The following FUT9 variants were observed in gnomAD, a reference collection of about 807,000 sequenced individuals.
The protein encoded by FUT9 is 4-galactosyl-N-acetylglucosaminide 3-alpha-L-fucosyltransferase 9.
FUT9 carries 15 observed loss-of-function variants against 29.7 expected under a neutral mutation model. That is an observed-to-expected ratio of 0.51 (90% CI 0.34 to 0.78). The LOEUF is 0.78. Ranked by LOEUF, FUT9 falls within the 30% of genes least tolerant of loss-of-function variation. The pLI, the probability that FUT9 is intolerant of heterozygous loss-of-function variation, is 0.01. For synonymous variants in FUT9, 169 were observed against 153.7 expected, an observed-to-expected ratio of 1.10 and a Z score of -0.74; for missense variants, 319 against 425.4, an observed-to-expected ratio of 0.75 and a Z score of 2.20.
At chr6:96,156,462 C>T (rs1270637947) in intron 2 of FUT9, among the ~76,000 whole-genome samples, 1 of 152,036 alleles carries the variant, frequency 6.6e-6, no homozygotes, top group Non-Finnish European at 1.5e-5. Flanking sequence ...CAAAAAGGGG[C>T]ATCCTGAAAG....
chr6:96,049,349 A>G (rs927485358), intron 1 of FUT9, among the ~76,000 whole-genome samples: 2 of 152,186 alleles, frequency 1.3e-5, no homozygotes, highest in African/African-American at 4.8e-5. Flanking sequence ...AAATGCCAAA[A>G]CACATGCTGC....
At chr6:96,155,845 A>C (rs1772775043) in intron 2 of FUT9, among the ~76,000 whole-genome samples, 1 of 152,112 alleles carries the variant, frequency 6.6e-6, no homozygotes, top group Non-Finnish European at 1.5e-5. Flanking sequence ...TTGATCTTGG[A>C]CTTCCAGCCT....
At chr6:96,153,339 T>C (rs995985707) in intron 2 of FUT9, among the ~76,000 whole-genome samples, 3 of 152,136 alleles carry the variant, frequency 2.0e-5, no homozygotes, top group Non-Finnish European at 4.4e-5. Flanking sequence ...TTTTTCCCTA[T>C]CCTCTTGTCC....
At chr6:96,158,434 C>T (rs1772831656) in intron 2 of FUT9, among the ~76,000 whole-genome samples, 1 of 152,000 alleles carries the variant, frequency 6.6e-6, no homozygotes, top group African/African-American at 2.4e-5. Flanking sequence ...TTTATTAAGA[C>T]AAGTTATTCT....
intron 2 of FUT9, among the ~76,000 whole-genome samples, chr6:96,181,560 C>A (rs530312532): frequency 7.3e-6 from 1 of 137,766 alleles, no homozygotes; most frequent in Non-Finnish European, 1.6e-5. Context: ...TACACTGCAC[C>A]CTATTTGTAG....
intron 2 of FUT9, among the ~76,000 whole-genome samples, chr6:96,118,930 T>C (rs1309779729): frequency 6.6e-6 from 1 of 152,160 alleles, no homozygotes; most frequent in Non-Finnish European, 1.5e-5. Flanking sequence ...GAATAAGGAT[T>C]AAAGAAAGAA....
chr6:96,199,545 G>A (rs1292540592), intron 2 of FUT9, among the ~76,000 whole-genome samples: 2 of 152,052 alleles, frequency 1.3e-5, no homozygotes, highest in African/African-American at 4.8e-5. Flanking sequence ...TCCTCGTTTG[G>A]CTAATGAGAG....
At chr6:96,190,780 A>G (rs1245165019) in intron 2 of FUT9, among the ~76,000 whole-genome samples, 1 of 152,064 alleles carries the variant, frequency 6.6e-6, no homozygotes, top group Non-Finnish European at 1.5e-5. Context: ...GGACTTCTCT[A>G]CACTGGTTAT....
At chr6:96,030,692 T>C (rs1432493358) in intron 1 of FUT9, among the ~76,000 whole-genome samples, 4 of 151,510 alleles carry the variant, frequency 2.6e-5, no homozygotes, top group African/African-American at 7.3e-5. Flanking sequence ...TAAGTGTGAA[T>C]GAATACCCAT....
intron 1 of FUT9, among the ~76,000 whole-genome samples, chr6:96,058,029 A>G (rs1051538490): frequency 1.3e-5 from 2 of 152,032 alleles, no homozygotes; most frequent in Non-Finnish European, 1.5e-5. Flanking sequence ...TCTCATCTGG[A>G]CTGCTGCTTG....
At chr6:96,160,077 A>T (rs1193108517) in intron 2 of FUT9, among the ~76,000 whole-genome samples, 1 of 152,194 alleles carries the variant, frequency 6.6e-6, no homozygotes, top group Non-Finnish European at 1.5e-5. Flanking sequence ...TTAAGATAAA[A>T]CGTTTTAGAC....
intron 2 of FUT9, among the ~76,000 whole-genome samples, chr6:96,169,156 A>C (rs1773066741): frequency 6.6e-6 from 1 of 152,236 alleles, no homozygotes; most frequent in South Asian, 2.1e-4. Flanking sequence ...ACAGTGACTT[A>C]CCAAGTAGTG....
At position 96,212,492 on chromosome 6, in the gene FUT9, A is replaced by G. The variant is rs1773956920; in HGVS notation, c.*8257A>G. ...GTGATTTTAAAATAATTAATCAAAA[A>G]ACAAAGACTATCATATTTGAGAACA... On this transcript the variant is annotated 3_prime_UTR_variant, in exon 3 of 3. Transcript: ENST00000302103. 7.3e-6 allele frequency: 3 copies of G among 409,212 alleles called. No homozygotes were observed. The South Asian group carries it at 4.3e-4, about 58-fold the overall frequency. The allele number at this position is 409,212 out of a possible 1,614,324, so 25.3% of individuals were successfully genotyped here.
intron 2 of FUT9, among the ~76,000 whole-genome samples, chr6:96,193,511 T>A (rs1261002508): frequency 6.6e-6 from 1 of 151,420 alleles, no homozygotes; most frequent in Non-Finnish European, 1.5e-5. Flanking sequence ...AGATACCATC[T>A]CACACCAGTT....
At chr6:96,122,977 G>A (rs1210479505) in intron 2 of FUT9, among the ~76,000 whole-genome samples, 4 of 148,494 alleles carry the variant, frequency 2.7e-5, no homozygotes, top group African/African-American at 5.0e-5. Flanking sequence ...GAAGAATGGC[G>A]TGAACCCAGA....
chr6:96,195,078 G>A (rs994883141), intron 2 of FUT9, among the ~76,000 whole-genome samples: 2 of 152,288 alleles, frequency 1.3e-5, no homozygotes, highest in Admixed American at 6.5e-5. Flanking sequence ...AGAAAATTTC[G>A]AAGAGAGAGA....
chr6:96,146,998 A>G (rs1772579856), intron 2 of FUT9, among the ~76,000 whole-genome samples: 1 of 152,178 alleles, frequency 6.6e-6, no homozygotes, highest in African/African-American at 2.4e-5. Context: ...CTTCTCTTTC[A>G]GAAATTAAAT....
intron 1 of FUT9, among the ~76,000 whole-genome samples, chr6:96,074,215 T>G (rs1349228521): frequency 6.6e-6 from 1 of 152,180 alleles, no homozygotes; most frequent in Non-Finnish European, 1.5e-5. Flanking sequence ...GCCTGGCAGC[T>G]GCACGTGGCC....
chr6:96,115,230 A>T (rs1304510248), intron 2 of FUT9, among the ~76,000 whole-genome samples: 1 of 152,222 alleles, frequency 6.6e-6, no homozygotes, highest in Non-Finnish European at 1.5e-5. Flanking sequence ...AAGTAAAAAT[A>T]AGCAGGTGAA....
Sources: gnomAD v4.1 joint callset for allele counts (sites outside exome capture counted in the v4.1 genomes callset) on GRCh38, gnomAD v4.1.1 for gene constraint, MANE v1.5 for transcripts, NCBI Gene and HGNC (gene_info 2026-07-23, HGNC 2026-07-21) for gene names.